Variants in VRK3 observed in about 807,000 individuals in gnomAD.
VRK3 encodes the protein VRK serine/threonine kinase 3, also known as serine/threonine-protein kinase VRK3.
In VRK3, 50 loss-of-function variants were observed where a neutral mutation model predicts 60.4. The observed-to-expected ratio is 0.83, with a 90% CI of 0.66 to 1.05. The LOEUF is 1.05. VRK3 is among the 50% of genes least tolerant of loss of function. The pLI is 0.00. For missense variants in VRK3, 549 were observed against 585.3 expected, an observed-to-expected ratio of 0.94 and a Z score of 0.64; for synonymous variants, 246 against 227.8, an observed-to-expected ratio of 1.08 and a Z score of -0.72.
intron 3 of VRK3, among the ~76,000 whole-genome samples, chr19:50,013,044 G>A (rs901239099): frequency 6.6e-6 from 1 of 152,074 alleles, no homozygotes; most frequent in Non-Finnish European, 1.5e-5. Context: ...GTGGGCGCCT[G>A]TAGTCCCAGC....
intron 12 of VRK3, chr19:49,982,273 A>G: frequency 1.4e-6 from 1 of 699,946 alleles, no homozygotes; most frequent in Admixed American, 2.0e-5. Flanking sequence ...CACACGAATT[A>G]TTAACCATCT....
intron 13 of VRK3, 104 bp downstream of exon 13, chr19:49,980,851 A>C (rs774106448): frequency 2.3e-5 from 24 of 1,029,962 alleles, no homozygotes; most frequent in Non-Finnish European, 3.4e-5. Context: ...AATTTGGAAA[A>C]CTAAAAAAAA....
At chr19:50,008,776 G>T (rs10500303) in intron 4 of VRK3, 5 of 153,704 alleles carry the variant, frequency 3.3e-5, no homozygotes, top group Admixed American at 1.3e-4. Flanking sequence ...GCGAGCCTAT[G>T]GCACTCAAGA....
chr19:49,992,660 CTTTT>C (rs151142884), intron 10 of VRK3, among the ~76,000 whole-genome samples, 196 bp downstream of exon 10: 4 of 152,104 alleles, frequency 2.6e-5, no homozygotes, highest in African/African-American at 9.7e-5. Flanking sequence ...CTGTGGATTT[CTTTT>C]TTTAAGAATT....
intron 2 of VRK3, among the ~76,000 whole-genome samples, chr19:50,017,716 G>A (rs1401512181): frequency 6.6e-6 from 1 of 152,006 alleles, no homozygotes; most frequent in Non-Finnish European, 1.5e-5. Context: ...CTGTCACCAG[G>A]GAGGAATGCA....
At chr19:50,014,787 C>T (rs1410960788) in intron 3 of VRK3, among the ~76,000 whole-genome samples, 2 of 152,042 alleles carry the variant, frequency 1.3e-5, no homozygotes, top group East Asian at 3.9e-4. Context: ...GGACCTGGTC[C>T]CTTCACCTCA....
chr19:49,985,217 C>T (rs190206642), intron 12 of VRK3, among the ~76,000 whole-genome samples: 104 of 152,312 alleles, frequency 6.8e-4, no homozygotes, highest in African/African-American at 2.4e-3. Context: ...TCGTTTTCAC[C>T]TGGCTTCATT....
intron 2 of VRK3, among the ~76,000 whole-genome samples, chr19:50,019,715 C>CTTTTTTTTTTTTTTTTGTT (rs1225686835): frequency 2.0e-5 from 1 of 50,330 alleles, no homozygotes; most frequent in African/African-American, 7.3e-5. Flanking sequence ...TTTTTTTTTA[C>CTTTTTTTTTTTTTTTTGTT]TTTTTGTAGA....
chr19:49,997,561 C>T lies in VRK3; in HGVS notation c.622G>A (p.Asp208Asn). 2.5e-6 allele frequency: 4 copies of T among 1,613,924 alleles called. No individual in the cohort carries two copies. Among genetic ancestry groups the T allele is most frequent in the Non-Finnish European group, 3.4e-6 (4 of 1,179,890 alleles). ...QKFSLKLDAK[D>N]GRLFNEQNFF... ...TTCTGCTCATTGAACAAGCGCCCATCCTTGGCATCCTGGTGGGGGACAGGA... is the reference window on the plus strand; with the variant it reads ...TTCTGCTCATTGAACAAGCGCCCATTCTTGGCATCCTGGTGGGGGACAGGA... The change falls in exon 7 of 15, where the codon GAT becomes AAT. Residue 208 changes from aspartate (D) to asparagine (N), a missense_variant. By Grantham distance (23) the Asp-to-Asn change is conservative. Transcript: ENST00000316763.
rs1283261833 is a variant in VRK3, at chr19:50,016,070, A to G, written c.93T>C (p.His31=). 2 of 1,614,232 alleles carry G rather than the reference A, an allele frequency of 1.2e-6. No homozygotes were observed. The highest frequency in any genetic ancestry group is 1.7e-6 in the Non-Finnish European group (2 of 1,180,032). The part of the protein sequence containing the change: ...YCGNSLPVEE[H]VGSQTFVNPH... ...GATTGACAAAGGTCTGGGACCCTAC[A>G]TGCTCCTCTACAGGCAAAGAATTTC... The change falls in exon 3 of 15, where the codon CAT becomes CAC. Residue 31 remains histidine, a synonymous_variant. Transcript: ENST00000316763.
intron 12 of VRK3, 46 bp downstream of exon 12, chr19:49,988,326 G>T (rs767574753): frequency 6.4e-7 from 1 of 1,563,184 alleles, no homozygotes; most frequent in Non-Finnish European, 8.6e-7. Flanking sequence ...CACCTGCAGG[G>T]GTTCTGCTGA....
At chr19:49,989,949 C>A (rs923237949) in intron 10 of VRK3, among the ~76,000 whole-genome samples, 178 bp from the exon 11 acceptor site, 1 of 152,170 alleles carries the variant, frequency 6.6e-6, no homozygotes, top group African/African-American at 2.4e-5. Context: ...AACCAGCCAT[C>A]CATATTTCCT....
At chr19:49,984,497 C>A (rs2076479261) in intron 12 of VRK3, among the ~76,000 whole-genome samples, 1 of 152,206 alleles carries the variant, frequency 6.6e-6, no homozygotes, top group South Asian at 2.1e-4. Context: ...GCAGCTCCTG[C>A]TTCCTGTCCG....
At chr19:50,003,846 C>T (rs2076850164) in intron 5 of VRK3, among the ~76,000 whole-genome samples, 1 of 152,256 alleles carries the variant, frequency 6.6e-6, no homozygotes, top group African/African-American at 2.4e-5. Context: ...CAGCCCCGCT[C>T]TCCCTGCACT....
rs117303337 is a variant in VRK3, at chr19:49,980,678, T to C, written c.1276+277A>G. Among the ~76,000 whole-genome samples, 267 of 151,912 alleles carry C rather than the reference T, an allele frequency of 1.8e-3. 2 individuals are homozygous for C. The highest frequency in any genetic ancestry group is 0.012 in the Admixed American group (189 of 15,248). ...ACTGCAGTAAGCTGAGATCGTACCA[T>C]TGCACTCTAGCCTGGATGTCAGAGC... On this transcript the variant is annotated intron_variant, in intron 13 of 14. Coordinates refer to ENST00000316763, the MANE Select transcript of VRK3 (RefSeq NM_016440.4).
chr19:50,009,476 A>G (rs1241262228), intron 3 of VRK3, 91 bp from the exon 4 acceptor site: 1 of 1,477,664 alleles, frequency 6.8e-7, no homozygotes, highest in Non-Finnish European at 9.1e-7. Flanking sequence ...ATACTCAGCT[A>G]TGCTGTTCTC....
intron 12 of VRK3, among the ~76,000 whole-genome samples, chr19:49,984,500 C>G (rs919669797): frequency 6.6e-6 from 1 of 152,238 alleles, no homozygotes; most frequent in Non-Finnish European, 1.5e-5. Context: ...GCTCCTGCTT[C>G]CTGTCCGTGT....
At chr19:49,977,891 C>A (rs977156979) in intron 14 of VRK3, among the ~76,000 whole-genome samples, 1 of 152,174 alleles carries the variant, frequency 6.6e-6, no homozygotes, top group Non-Finnish European at 1.5e-5. Context: ...CACCACTGGC[C>A]CACTCTGTGC....
intron 13 of VRK3, 88 bp from the exon 14 acceptor site, chr19:49,979,330 G>A: frequency 1.9e-6 from 3 of 1,585,704 alleles, no homozygotes; most frequent in Non-Finnish European, 2.6e-6. Context: ...GGATGGAGGG[G>A]TGGGGGACTG....
Sources: allele counts gnomAD v4.1 joint callset (sites outside exome capture counted in the v4.1 genomes callset), GRCh38; gene constraint gnomAD v4.1.1; transcripts MANE v1.5; gene names NCBI Gene and HGNC (gene_info 2026-07-23, HGNC 2026-07-21).